CCBE1: variants seen among roughly 807,000 people sequenced by gnomAD.
CCBE1 encodes collagen and calcium-binding EGF domain-containing protein 1.
A neutral mutation model predicts 50.0 loss-of-function variants in CCBE1; 37 were observed. The ratio of observed to expected loss-of-function variants is 0.74; its 90% confidence interval spans 0.57 to 0.97. The LOEUF is 0.97. Among genes scored for constraint, CCBE1 ranks in the 50% least tolerant of loss-of-function variants. CCBE1 has a pLI of 0.00. For synonymous variants in CCBE1, 234 were observed against 203.7 expected (o/e 1.15, Z -1.27); for missense variants, 538 against 523.8 (o/e 1.03, Z -0.26).
intron 3 of CCBE1, among the ~76,000 whole-genome samples, chr18:59,471,085 A>G (rs1318355697): frequency 6.6e-6 from 1 of 152,210 alleles, no homozygotes; most frequent in Admixed American, 6.5e-5. Context: ...TGATCCTGGC[A>G]TGACTGGCTC....
intron 2 of CCBE1, among the ~76,000 whole-genome samples, chr18:59,606,035 C>T (rs2053493704): frequency 6.6e-6 from 1 of 152,216 alleles, no homozygotes; most frequent in Non-Finnish European, 1.5e-5. Flanking sequence ...ACGATGATCT[C>T]AACGCCTATG....
intron 8 of CCBE1, 45 bp from the exon 9 acceptor site, chr18:59,439,623 G>A (rs747098445): frequency 6.1e-5 from 98 of 1,614,088 alleles, no homozygotes; most frequent in Admixed American, 1.3e-4. Context: ...AAAAGCATGG[G>A]ACAAAAACAC....
chr18:59,611,335 C>G (rs767696745), intron 2 of CCBE1, among the ~76,000 whole-genome samples: 1 of 152,232 alleles, frequency 6.6e-6, no homozygotes, highest in Admixed American at 6.5e-5. Flanking sequence ...CTTTATGAGC[C>G]ACTGAGCACC....
intron 2 of CCBE1, among the ~76,000 whole-genome samples, chr18:59,692,478 G>A (rs1001460730): frequency 6.6e-6 from 1 of 151,940 alleles, no homozygotes; most frequent in African/African-American, 2.4e-5. Flanking sequence ...TGACATTATC[G>A]AAGCCCACTC....
chr18:59,446,943 C>A (rs1021345810), intron 7 of CCBE1, among the ~76,000 whole-genome samples: 30 of 152,196 alleles, frequency 2.0e-4, no homozygotes, highest in African/African-American at 6.0e-4. Flanking sequence ...GGTTTAGAAT[C>A]ATTTGCTAAC....
intron 2 of CCBE1, among the ~76,000 whole-genome samples, chr18:59,669,705 G>T (rs372670896): frequency 2.6e-5 from 4 of 152,202 alleles, no homozygotes; most frequent in Admixed American, 6.5e-5. Flanking sequence ...ATGACTTCAG[G>T]TTCCCTCACA....
intron 2 of CCBE1, among the ~76,000 whole-genome samples, chr18:59,602,630 G>C (rs902500051): frequency 3.3e-5 from 5 of 152,166 alleles, no homozygotes; most frequent in Non-Finnish European, 5.9e-5. Flanking sequence ...TCTGAGTCCT[G>C]AGCTGGAAAA....
chr18:59,601,914 A>T (rs897595235), intron 2 of CCBE1, among the ~76,000 whole-genome samples: 10 of 152,196 alleles, frequency 6.6e-5, no homozygotes, highest in African/African-American at 1.9e-4. Context: ...TTTCCAAAAG[A>T]TATTTTCCTT....
At chr18:59,526,699 G>T (rs553431422) in intron 2 of CCBE1, among the ~76,000 whole-genome samples, 3 of 152,246 alleles carry the variant, frequency 2.0e-5, no homozygotes, top group African/African-American at 7.2e-5. Context: ...AGAGATTCTG[G>T]TATGTTGTCT....
intron 2 of CCBE1, among the ~76,000 whole-genome samples, chr18:59,499,492 A>G (rs1016425385): frequency 6.6e-6 from 1 of 152,350 alleles, no homozygotes; most frequent in South Asian, 2.1e-4. Flanking sequence ...AGGCCTCACA[A>G]TCATGGCAGA....
chr18:59,667,352 C>T (rs1042527714), intron 2 of CCBE1, among the ~76,000 whole-genome samples: 3 of 152,164 alleles, frequency 2.0e-5, no homozygotes, highest in African/African-American at 7.2e-5. Context: ...AAATTAGAAA[C>T]TGCAGATGTA....
chr18:59,469,636 A>G lies in CCBE1; in HGVS notation c.266-29T>C, dbSNP rs113056795. 1.0e-4 allele frequency: 167 copies of G among 1,613,736 alleles called. No homozygotes were observed. The African/African-American group carries it at 1.7e-3, about 16-fold the overall frequency. ...AAAAAGCAAAGTGAGAGCTCACATC[A>G]ACTACAGGAGGAGGCGGAGTAACCT... On this transcript the variant is annotated intron_variant, in intron 3 of 10. Transcript: ENST00000439986.
chr18:59,479,225 T>C (rs760603064), intron 3 of CCBE1, among the ~76,000 whole-genome samples: 2 of 152,038 alleles, frequency 1.3e-5, no homozygotes, highest in Non-Finnish European at 2.9e-5. Context: ...TTCAAACAAA[T>C]AGTCTTTACT....
intron 2 of CCBE1, among the ~76,000 whole-genome samples, chr18:59,488,523 A>T (rs1213123877): frequency 6.6e-6 from 1 of 152,200 alleles, no homozygotes; most frequent in Non-Finnish European, 1.5e-5. Flanking sequence ...TAAGGTAACA[A>T]CCAGAAGGTA....
Position 59,628,079 on chromosome 18 carries a change from T to C in CCBE1, c.212+68550A>G, listed in dbSNP as rs148166896. Reference sequence around the variant, plus strand: ...AATACAAAAAATTATCCGAGTGTGGTGGTGCATGCCTGTAGTCCCAGCTAC... The same window carrying C: ...AATACAAAAAATTATCCGAGTGTGGCGGTGCATGCCTGTAGTCCCAGCTAC... On this transcript the variant is annotated intron_variant, in intron 2 of 10. Transcript: ENST00000439986. Among the ~76,000 whole-genome samples, 85 of 152,190 alleles carry C rather than the reference T, an allele frequency of 5.6e-4. 1 individual carries two copies. The East Asian group carries it at 0.015, about 27-fold the overall frequency.
At chr18:59,544,064 C>G (rs193271497) in intron 2 of CCBE1, among the ~76,000 whole-genome samples, 9 of 152,204 alleles carry the variant, frequency 5.9e-5, no homozygotes, top group Admixed American at 3.9e-4. Flanking sequence ...ATTAAGTGCT[C>G]TATTTAAATT....
intron 2 of CCBE1, among the ~76,000 whole-genome samples, chr18:59,651,582 C>CT (rs1229227933): frequency 7.2e-5 from 11 of 152,286 alleles, no homozygotes; most frequent in African/African-American, 2.6e-4. Flanking sequence ...CAGACCTTAG[C>CT]AAGGATCTTT....
intron 2 of CCBE1, among the ~76,000 whole-genome samples, chr18:59,655,583 G>T (rs536822259): frequency 6.6e-6 from 1 of 152,224 alleles, no homozygotes; most frequent in African/African-American, 2.4e-5. Flanking sequence ...TCCTGTAGCA[G>T]GAATGCAGCC....
intron 2 of CCBE1, among the ~76,000 whole-genome samples, chr18:59,619,317 G>GT (rs951083974): frequency 9.9e-5 from 15 of 152,028 alleles, no homozygotes; most frequent in African/African-American, 3.4e-4. Context: ...TTATTATTTT[G>GT]TTTTTTAGAG....
Sources: gnomAD v4.1 joint callset for allele counts (sites outside exome capture counted in the v4.1 genomes callset) on GRCh38, gnomAD v4.1.1 for gene constraint, MANE v1.5 for transcripts, NCBI Gene and HGNC (gene_info 2026-07-23, HGNC 2026-07-21) for gene names.